ACCSL: variants seen among roughly 807,000 people sequenced by gnomAD.
ACCSL encodes 1-aminocyclopropane-1-carboxylate synthase homolog (inactive) like, also known as probable inactive 1-aminocyclopropane-1-carboxylate synthase-like protein 2.
ACCSL carries 55 observed loss-of-function variants against 61.7 expected under a neutral mutation model. That is an observed-to-expected ratio of 0.89 (90% CI 0.72 to 1.12). The LOEUF is 1.12. Among genes scored for constraint, ACCSL ranks in the 50% most tolerant of loss-of-function variants. The probability of loss-of-function intolerance (pLI) is 0.00; values close to 1 mark genes in which losing one functional copy is unlikely to be tolerated. For synonymous variants in ACCSL, 258 were observed against 264.3 expected (o/e 0.98, Z 0.23); for missense variants, 632 against 698.0 (o/e 0.91, Z 1.07).
the ACCSL span, among the ~76,000 whole-genome samples, chr11:43,927,386 CTTCAA>C: frequency 2.0e-5 from 3 of 152,182 alleles, no homozygotes; most frequent in East Asian, 1.9e-4. Context: ...TTCATTCAGA[CTTCAA>C]TTCAAATAAT....
At chr11:43,924,304 C>G in the ACCSL span, among the ~76,000 whole-genome samples, 1 of 152,260 alleles carries the variant, frequency 6.6e-6, no homozygotes, top group African/African-American at 2.4e-5. Flanking sequence ...GTGCCTGCTG[C>G]TGTGGCCTGT....
At chr11:44,034,149 A>C in the ACCSL span, among the ~76,000 whole-genome samples, 56 of 152,186 alleles carry the variant, frequency 3.7e-4, no homozygotes, top group South Asian at 0.011. Flanking sequence ...TCATCCCCCT[A>C]ACACCACATG....
chr11:43,925,392 C>T, the ACCSL span: 1 of 456,086 alleles, frequency 2.2e-6, no homozygotes, highest in Non-Finnish European at 4.4e-6. Context: ...GGACAGCCCT[C>T]CAAGGAGTGG....
At chr11:44,027,532 TA>T in the ACCSL span, among the ~76,000 whole-genome samples, 194 of 152,238 alleles carry the variant, frequency 1.3e-3, 2 homozygotes, top group African/African-American at 4.5e-3. Flanking sequence ...TGGCACAGAG[TA>T]AGTGCTCATC....
chr11:43,969,881 C>A, the ACCSL span, among the ~76,000 whole-genome samples: 1 of 151,382 alleles, frequency 6.6e-6, no homozygotes, highest in South Asian at 2.1e-4. Flanking sequence ...AGAGGCACAA[C>A]CCCCTGAGTG....
chr11:43,977,026 C>T, the ACCSL span, among the ~76,000 whole-genome samples: 1 of 152,274 alleles, frequency 6.6e-6, no homozygotes, highest in East Asian at 1.9e-4. Flanking sequence ...ATGGAAATGG[C>T]CTCTTGAAAG....
chr11:44,001,081 GC>G, the ACCSL span: 50 of 152,186 alleles, frequency 3.3e-4, no homozygotes, highest in African/African-American at 1.2e-3. Context: ...CATTTGCTAT[GC>G]CCCTGTTTTG....
the ACCSL span, among the ~76,000 whole-genome samples, chr11:43,982,226 CTTTTTTTTTTTTT>C: frequency 5.8e-5 from 5 of 86,324 alleles, no homozygotes; most frequent in African/African-American, 8.3e-5. Context: ...CCAAGGCCCT[CTTTTTTTTTTTTT>C]TTTTTTTTTT....
chr11:44,002,253 A>G, the ACCSL span, among the ~76,000 whole-genome samples: 1 of 151,872 alleles, frequency 6.6e-6, no homozygotes, highest in African/African-American at 2.4e-5. Flanking sequence ...GCGCCTCCCC[A>G]TGCTGCCCTG....
chr11:43,943,362 G>A, the ACCSL span: 45 of 1,388,828 alleles, frequency 3.2e-5, no homozygotes, highest in Non-Finnish European at 3.8e-5. This position sits in a 1 kb window ranked among gnomAD's most constrained non-coding sequence, Gnocchi z 4.8. Flanking sequence ...CCCTGCTCCC[G>A]GGGGACCCGC....
chr11:44,026,874 C>T, the ACCSL span, among the ~76,000 whole-genome samples: 1 of 152,130 alleles, frequency 6.6e-6, no homozygotes, highest in Non-Finnish European at 1.5e-5. Flanking sequence ...GAATTACAGG[C>T]ATGTGCTACT....
chr11:44,038,081 G>A, the ACCSL span, among the ~76,000 whole-genome samples: 1 of 152,148 alleles, frequency 6.6e-6, no homozygotes, highest in Non-Finnish European at 1.5e-5. Context: ...TAATAAATGA[G>A]TACATTATAT....
At chr11:44,052,198 C>T (rs1295582186) in intron 5 of ACCSL, among the ~76,000 whole-genome samples, 1 of 152,238 alleles carries the variant, frequency 6.6e-6, no homozygotes, top group East Asian at 1.9e-4. Context: ...AAGATAGTCC[C>T]TTTCCTGCAA....
At chr11:44,028,617 T>A in the ACCSL span, among the ~76,000 whole-genome samples, 1 of 152,176 alleles carries the variant, frequency 6.6e-6, no homozygotes, top group Middle Eastern at 3.2e-3. Context: ...GAGCAGAGTG[T>A]GTGGCACAGG....
At chr11:43,936,009 C>A in the ACCSL span, among the ~76,000 whole-genome samples, 1 of 152,088 alleles carries the variant, frequency 6.6e-6, no homozygotes, top group Non-Finnish European at 1.5e-5. Flanking sequence ...AAGCAGGACC[C>A]CCGATGCTGG....
the ACCSL span, among the ~76,000 whole-genome samples, chr11:43,992,719 A>G: frequency 6.6e-6 from 1 of 152,256 alleles, no homozygotes; most frequent in Non-Finnish European, 1.5e-5. Flanking sequence ...CAGCTGCAGC[A>G]GATATATGAC....
At chr11:43,934,974 T>C in the ACCSL span, among the ~76,000 whole-genome samples, 5 of 152,008 alleles carry the variant, frequency 3.3e-5, no homozygotes, top group East Asian at 5.8e-4. Context: ...CACAAGGCCC[T>C]CCCCTCTCTG....
the ACCSL span, among the ~76,000 whole-genome samples, chr11:43,961,794 G>A: frequency 2.0e-5 from 3 of 151,888 alleles, no homozygotes; most frequent in Non-Finnish European, 4.4e-5. Flanking sequence ...ACATAAGGCC[G>A]ATTCACACTT....
At chr11:43,985,516 A>G in the ACCSL span, among the ~76,000 whole-genome samples, 1 of 152,146 alleles carries the variant, frequency 6.6e-6, no homozygotes, top group East Asian at 1.9e-4. Flanking sequence ...TGTTTATCTG[A>G]CAAATAATTA....
Sources: gnomAD v4.1 joint callset for allele counts (sites outside exome capture counted in the v4.1 genomes callset) on GRCh38, gnomAD v4.1.1 for gene constraint, Gnocchi (gnomAD v3.1) non-coding constraint, MANE v1.5 for transcripts, NCBI Gene and HGNC (gene_info 2026-07-23, HGNC 2026-07-21) for gene names.